Variants in NCAPD3 observed in about 807,000 individuals in gnomAD.
The protein encoded by NCAPD3 is condensin-2 complex subunit D3.
In NCAPD3, 105 loss-of-function variants were observed where a neutral mutation model predicts 182.9. That is an observed-to-expected ratio of 0.57 (90% CI 0.49 to 0.68). NCAPD3 has a LOEUF of 0.68. NCAPD3 is among the 30% of genes least tolerant of loss of function. The probability of loss-of-function intolerance (pLI) is 0.00; values close to 1 mark genes in which losing one functional copy is unlikely to be tolerated. For missense variants in NCAPD3, 1,944 were observed against 1,837.0 expected, an observed-to-expected ratio of 1.06 and a Z score of -1.07; for synonymous variants, 815 against 679.9, an observed-to-expected ratio of 1.20 and a Z score of -3.09.
At position 134,207,742 on chromosome 11, in the gene NCAPD3, C is replaced by CAAAAA. The variant is rs34965902; in HGVS notation, c.883-1015_883-1011dup. On this transcript the variant is annotated intron_variant, in intron 7 of 34. Transcript: ENST00000534548. Reference sequence around the variant, plus strand: ...CTGGTGTCAGAGCGAGACTGCGTCTCAAAAAAAAAAAAAAAAAAAAAAAAA... The same window carrying CAAAAA: ...CTGGTGTCAGAGCGAGACTGCGTCTCAAAAAAAAAAAAAAAAAAAAAAAAAAAAAA... Among the ~76,000 whole-genome samples the CAAAAA allele has an allele frequency of 7.7e-4, 48 of 62,092 alleles. 1 individual carries two copies. Among genetic ancestry groups the CAAAAA allele is most frequent in the African/African-American group, 1.9e-3 (33 of 17,502 alleles). 40.7% of individuals were successfully genotyped at this position (62,092 alleles called of 152,430 possible).
rs888181702 is a variant in NCAPD3, at chr11:134,158,250, C to T, written c.4034+79G>A. On this transcript the variant is annotated intron_variant, in intron 30 of 34. Coordinates refer to ENST00000534548, the MANE Select transcript of NCAPD3 (RefSeq NM_015261.3). The stretch of plus-strand genomic sequence containing the variant: ...ACAATGACAATGACTTTCCTGCCCA[C>T]GCTTGGGAATGGCAGGGACGCCTCT... 78 of 1,571,556 alleles carry T rather than the reference C, an allele frequency of 5.0e-5. 1 individual carries two copies. Among genetic ancestry groups the T allele is most frequent in the South Asian group, 3.1e-4 (27 of 87,780 alleles).
chr11:134,168,183 T>C lies in NCAPD3; in HGVS notation c.3386A>G (p.Asp1129Gly), dbSNP rs1156579318. 3 of 1,613,826 alleles carry C rather than the reference T, an allele frequency of 1.9e-6. No homozygotes were observed. The highest frequency in any genetic ancestry group is 2.5e-6 in the Non-Finnish European group (3 of 1,179,764). Residue 1129 changes from aspartate (D) to glycine (G), a missense_variant, in exon 27 of 35, where the codon GAT becomes GGT. This residue lies in a region of NCAPD3 where 1,803 missense variants were observed against 1,674.6 expected (regional missense o/e 1.08). Coordinates refer to ENST00000534548, the MANE Select transcript of NCAPD3 (RefSeq NM_015261.3). ...GTCCAGGTCCAGGGGTAGGATGCCA[T>C]CAGCAAAGCACGCTGAGAGACAGAG... ...ICLSILACFA[D>G]GILPLDLDAS...
chr11:134,222,687 G>A (rs1340495430), intron 1 of NCAPD3, among the ~76,000 whole-genome samples: 1 of 152,346 alleles, frequency 6.6e-6, no homozygotes, highest in Non-Finnish European at 1.5e-5. Context: ...ACTGGGGGAG[G>A]AGGGAGAGGA....
intron 7 of NCAPD3, among the ~76,000 whole-genome samples, chr11:134,207,227 T>C (rs901961299): frequency 6.6e-6 from 1 of 152,198 alleles, no homozygotes; most frequent in African/African-American, 2.4e-5. Flanking sequence ...GTGGTAGGTA[T>C]TGCATTAAGC....
intron 20 of NCAPD3, among the ~76,000 whole-genome samples, chr11:134,179,183 GTGC>G (rs1944237734): frequency 6.6e-6 from 1 of 152,144 alleles, no homozygotes; most frequent in Non-Finnish European, 1.5e-5. Context: ...GTAAAAGGGG[GTGC>G]TATTAATAAT....
chr11:134,191,636 C>T (rs1342431649), intron 16 of NCAPD3, among the ~76,000 whole-genome samples: 1 of 152,152 alleles, frequency 6.6e-6, no homozygotes, highest in African/African-American at 2.4e-5. Context: ...ATACATAGAG[C>T]ATGCATAAGG....
chr11:134,193,251 CCTT>C (rs1441531835), intron 15 of NCAPD3, among the ~76,000 whole-genome samples: 1 of 152,092 alleles, frequency 6.6e-6, no homozygotes, highest in Non-Finnish European at 1.5e-5. Context: ...TTGCTTAATG[CCTT>C]CTATTATGAA....
At chr11:134,192,010 C>T (rs533789630) in intron 16 of NCAPD3, among the ~76,000 whole-genome samples, 5 of 152,288 alleles carry the variant, frequency 3.3e-5, no homozygotes, top group East Asian at 3.9e-4. Flanking sequence ...GTTTCAGCTT[C>T]CAGAGCATGT....
chr11:134,177,457 C>A lies in NCAPD3; in HGVS notation c.2783G>T (p.Gly928Val). The change falls in exon 23 of 35, where the codon GGT (glycine) becomes GTT (valine). Residue 928 changes from glycine (G) to valine (V), a missense_variant and splice_region_variant. This residue lies in a region of NCAPD3 where 1,803 missense variants were observed against 1,674.6 expected (regional missense o/e 1.08). Coordinates refer to ENST00000534548, the MANE Select transcript of NCAPD3 (RefSeq NM_015261.3). ...ATCCTCGTGCTGTAAGCACAGCTTA[C>A]CTGGCACAGAAGACAGGAAGATGTC... ...VIRAHAIITL[G>V]KLCLQHEDLA... 6.2e-7 allele frequency: 1 copy of A among 1,610,640 alleles called. No individual in the cohort carries two copies. The highest frequency in any genetic ancestry group is 8.5e-7 in the Non-Finnish European group (1 of 1,177,186).
chr11:134,188,308 A>G (rs1382528264), intron 16 of NCAPD3, among the ~76,000 whole-genome samples: 1 of 152,196 alleles, frequency 6.6e-6, no homozygotes, highest in Non-Finnish European at 1.5e-5. Context: ...TGCTGTGTCT[A>G]GCTACAGGAT....
intron 24 of NCAPD3, chr11:134,172,970 C>G (rs908801612): frequency 7.3e-6 from 1 of 137,896 alleles, no homozygotes. Flanking sequence ...GAGCAAGACC[C>G]TGTCTCAAAA....
intron 27 of NCAPD3, among the ~76,000 whole-genome samples, chr11:134,167,239 C>A (rs79079489): frequency 8.5e-6 from 1 of 117,516 alleles, no homozygotes; most frequent in Non-Finnish European, 1.7e-5. Flanking sequence ...TTGGGGGAGG[C>A]GCACACTCGT....
intron 26 of NCAPD3, 77 bp downstream of exon 26, chr11:134,168,392 G>A (rs1018964375): frequency 9.5e-6 from 15 of 1,586,122 alleles, no homozygotes; most frequent in Middle Eastern, 3.3e-4. Flanking sequence ...TCCCTTACTA[G>A]AGGCCTGCTG....
At chr11:134,175,587 TG>T (rs1944141694) in intron 24 of NCAPD3, among the ~76,000 whole-genome samples, 1 of 152,238 alleles carries the variant, frequency 6.6e-6, no homozygotes, top group Non-Finnish European at 1.5e-5. Context: ...TTATAGTTAA[TG>T]AGCTCTGTAA....
chr11:134,163,872 A>AAT (rs1943671266), intron 27 of NCAPD3, among the ~76,000 whole-genome samples: 1 of 51,782 alleles, frequency 1.9e-5, no homozygotes, highest in Non-Finnish European at 3.4e-5. Context: ...ATTCTGTCTC[A>AAT]AAAAAAAAAA....
upstream of NCAPD3, chr11:134,225,116 C>T (rs779096178): frequency 3.8e-6 from 6 of 1,595,788 alleles, no homozygotes; most frequent in Non-Finnish European, 5.1e-6. Context: ...CCCGGCCCGG[C>T]GGTGCGATGA....
At chr11:134,223,125 A>G (rs952987114) in intron 1 of NCAPD3, 5 of 393,898 alleles carry the variant, frequency 1.3e-5, no homozygotes, top group Admixed American at 8.1e-5. Context: ...GTGGTCATTT[A>G]TTTAGGAAAC....
chr11:134,225,070 G>T (rs1938414505), upstream of NCAPD3: 1 of 1,521,616 alleles, frequency 6.6e-7, no homozygotes, highest in African/African-American at 1.4e-5. Context: ...GGCAGCCCGC[G>T]CCCCGGTGCG....
intron 24 of NCAPD3, among the ~76,000 whole-genome samples, chr11:134,174,657 T>C (rs953110785): frequency 7.2e-5 from 11 of 152,170 alleles, no homozygotes; most frequent in Non-Finnish European, 1.2e-4. Context: ...TACAGGAAAA[T>C]GCTCAACAGC....
Sources: gnomAD v4.1 joint callset for allele counts (sites outside exome capture counted in the v4.1 genomes callset) on GRCh38, gnomAD v4.1.1 for gene constraint, gnomAD v4.1.1 regional missense constraint, MANE v1.5 for transcripts, NCBI Gene and HGNC (gene_info 2026-07-23, HGNC 2026-07-21) for gene names.